RAB40C: variants seen among roughly 807,000 people sequenced by gnomAD.
The protein encoded by RAB40C is ras-related protein Rab-40C.
A neutral mutation model predicts 28.1 loss-of-function variants in RAB40C; 8 were observed. The observed-to-expected ratio is 0.28, with a 90% CI of 0.17 to 0.51. The LOEUF is 0.51. RAB40C is among the 20% of genes least tolerant of loss of function. The pLI is 0.97. For missense variants in RAB40C, 288 were observed against 405.9 expected, an observed-to-expected ratio of 0.71 and a Z score of 2.50; for synonymous variants, 201 against 171.7, an observed-to-expected ratio of 1.17 and a Z score of -1.34.
intron 1 of RAB40C, among the ~76,000 whole-genome samples, chr16:604,010 T>G (rs776567548): frequency 6.6e-6 from 1 of 152,196 alleles, no homozygotes; most frequent in African/African-American, 2.4e-5. Context: ...TTTCCTGGTT[T>G]GGGGTATTAC....
At chr16:598,705 C>G (rs901153855) in intron 1 of RAB40C, among the ~76,000 whole-genome samples, 2 of 151,368 alleles carry the variant, frequency 1.3e-5, no homozygotes, top group African/African-American at 4.9e-5. Context: ...TGTTGCACTA[C>G]GTTCCAGCCT....
Position 615,088 on chromosome 16 carries a change from T to G in RAB40C, c.143-2120T>G, listed in dbSNP as rs528678891. Among the ~76,000 whole-genome samples the G allele has an allele frequency of 4.3e-4, 66 of 152,336 alleles. 1 individual carries two copies. The highest frequency in any genetic ancestry group is 4.2e-3 in the Admixed American group (64 of 15,294). On this transcript the variant is annotated intron_variant, in intron 1 of 5. Transcript: ENST00000248139. ...CCGTCCATCCTAAAATTGGGACGTT[T>G]GGTTTTCTGTTGTTGAGTTGGAGTT...
intron 2 of RAB40C, among the ~76,000 whole-genome samples, chr16:617,485 C>A (rs147310413): frequency 6.6e-6 from 1 of 152,338 alleles, no homozygotes; most frequent in South Asian, 2.1e-4. Context: ...CCTCCTGCCC[C>A]GGAAAACCTG....
At chr16:591,922 C>T (rs559147401) in intron 1 of RAB40C, among the ~76,000 whole-genome samples, 16 of 152,316 alleles carry the variant, frequency 1.1e-4, no homozygotes, top group African/African-American at 3.4e-4. Flanking sequence ...CTTCCAGTGG[C>T]ATGGCTAAAA....
At chr16:591,770 G>C (rs1039483114) in intron 1 of RAB40C, among the ~76,000 whole-genome samples, 1 of 151,948 alleles carries the variant, frequency 6.6e-6, no homozygotes, top group Admixed American at 6.6e-5. Flanking sequence ...TTTGTTGTGT[G>C]TATTTTAGTA....
chr16:600,223 A>G (rs531176693), intron 1 of RAB40C, among the ~76,000 whole-genome samples: 1 of 152,350 alleles, frequency 6.6e-6, no homozygotes, highest in Non-Finnish European at 1.5e-5. Context: ...CTGTACTTCC[A>G]GCAGATGTGG....
chr16:590,167 C>A lies in RAB40C; in HGVS notation c.-125C>A, dbSNP rs1169104675. 1.7e-6 allele frequency: 1 copy of A among 603,100 alleles called. No individual in the cohort carries two copies. Among genetic ancestry groups the A allele is most frequent in the East Asian group, 1.4e-4 (1 of 7,196 alleles). 37.4% of individuals were successfully genotyped at this position (603,100 alleles called of 1,614,324 possible). A position where few individuals can be genotyped will look rare whatever the true frequency, so the allele number is the denominator to read the frequency against. On this transcript the variant is annotated 5_prime_UTR_variant, in exon 1 of 6. Transcript: ENST00000248139. Reference sequence around the variant, plus strand: ...CGGGGCCGGCGCTGGGCTTCGGGCGCGCCCACTCGGCCGCCGTGGGGCGGA... The same window carrying A: ...CGGGGCCGGCGCTGGGCTTCGGGCGAGCCCACTCGGCCGCCGTGGGGCGGA...
At chr16:617,956 C>T (rs962640059) in intron 2 of RAB40C, among the ~76,000 whole-genome samples, 3 of 152,386 alleles carry the variant, frequency 2.0e-5, no homozygotes, top group Admixed American at 6.5e-5. Flanking sequence ...CTCCCAGGCT[C>T]ATGTGAGGAG....
In RAB40C at chr16:618,209, G is replaced by A. The variant is rs778294513; in HGVS notation, c.213G>A (p.Ser71=). 1.1e-5 allele frequency: 17 copies of A among 1,613,482 alleles called. No individual in the cohort carries two copies. The highest frequency in any genetic ancestry group is 1.4e-5 in the Non-Finnish European group (16 of 1,179,850). ...RRVKLELWDT[S]GQGRFCTIFR... ...TCCCCGTATGTTTCAGGGACACGTC[G>A]GGCCAGGGCCGGTTCTGCACCATCT... Residue 71 remains serine (S), a synonymous_variant, in exon 3 of 6, where the codon TCG becomes TCA. Coordinates refer to ENST00000248139, the MANE Select transcript of RAB40C (RefSeq NM_021168.5).
chr16:625,311 G>T (rs953886332), intron 3 of RAB40C, 121 bp from the exon 4 acceptor site: 2 of 1,481,058 alleles, frequency 1.4e-6, no homozygotes, highest in East Asian at 5.0e-5. Context: ...CTGCCCATCC[G>T]CCAAGTAATA....
intron 5 of RAB40C, 88 bp from the exon 6 acceptor site, chr16:627,254 G>T (rs1350544267): frequency 2.2e-6 from 3 of 1,351,588 alleles, no homozygotes; most frequent in East Asian, 4.7e-5. Context: ...TGGAGACCCC[G>T]CCAGGCTTCT....
At chr16:613,443 A>C (rs1182777702) in intron 1 of RAB40C, among the ~76,000 whole-genome samples, 1 of 152,260 alleles carries the variant, frequency 6.6e-6, no homozygotes, top group Non-Finnish European at 1.5e-5. Context: ...TAGAATCAAG[A>C]GCACAGTGCA....
At chr16:594,351 G>A (rs1243812659) in intron 1 of RAB40C, among the ~76,000 whole-genome samples, 1 of 152,174 alleles carries the variant, frequency 6.6e-6, no homozygotes, top group Non-Finnish European at 1.5e-5. Context: ...AACGGAGGGA[G>A]GCGGTTGTGG....
At chr16:618,613 G>T (rs1409111707) in intron 3 of RAB40C, among the ~76,000 whole-genome samples, 1 of 151,552 alleles carries the variant, frequency 6.6e-6, no homozygotes, top group Admixed American at 6.6e-5. Flanking sequence ...GCAGCCATGT[G>T]CACAGGTCTG....
chr16:614,665 C>G (rs1375674474), intron 1 of RAB40C, among the ~76,000 whole-genome samples: 1 of 151,680 alleles, frequency 6.6e-6, no homozygotes, highest in Non-Finnish European at 1.5e-5. Context: ...AACTGCCAAA[C>G]TTTACCTCGT....
chr16:626,378 C>T (rs1416574368), intron 5 of RAB40C, among the ~76,000 whole-genome samples: 1 of 152,190 alleles, frequency 6.6e-6, no homozygotes. Flanking sequence ...CTCTGCCATG[C>T]CTGTGGGTCC....
chr16:614,625 A>G (rs2036551054), intron 1 of RAB40C, among the ~76,000 whole-genome samples: 2 of 147,838 alleles, frequency 1.4e-5, no homozygotes, highest in African/African-American at 5.0e-5. Context: ...CCCGATGGTG[A>G]ACTGCTAACT....
chr16:613,406 C>G (rs1333895623), intron 1 of RAB40C, among the ~76,000 whole-genome samples: 1 of 151,736 alleles, frequency 6.6e-6, no homozygotes, highest in Non-Finnish European at 1.5e-5. Context: ...CCTGTAGAAT[C>G]AAGAGCAGGA....
chr16:619,164 C>T (rs1354651524), intron 3 of RAB40C, among the ~76,000 whole-genome samples: 1 of 139,438 alleles, frequency 7.2e-6, no homozygotes, highest in Non-Finnish European at 1.5e-5. Context: ...GTACTTGGAG[C>T]TGTGTGTGTG....
Sources: allele counts gnomAD v4.1 joint callset (sites outside exome capture counted in the v4.1 genomes callset), GRCh38; gene constraint gnomAD v4.1.1; transcripts MANE v1.5; gene names NCBI Gene and HGNC (gene_info 2026-07-23, HGNC 2026-07-21).